Variants in PRELID2 observed in about 807,000 individuals in gnomAD.
PRELID2 encodes the protein PRELI domain-containing protein 2.
Under a neutral mutation model 28.4 loss-of-function variants are expected in PRELID2, and 25 were observed. The ratio of observed to expected loss-of-function variants is 0.88; its 90% confidence interval spans 0.64 to 1.23. The LOEUF (loss-of-function observed/expected upper bound fraction) is 1.23, where lower values mean the gene tolerates loss of function less well. PRELID2 is among the 50% of genes most tolerant of loss of function. The pLI is 0.00. For missense variants in PRELID2, 201 were observed against 214.4 expected (o/e 0.94, Z 0.39); for synonymous variants, 76 against 71.6 (o/e 1.06, Z -0.31).
chr5:145,821,268 T>C (rs1353108671), intron 2 of PRELID2, among the ~76,000 whole-genome samples: 3 of 150,008 alleles, frequency 2.0e-5, no homozygotes, highest in African/African-American at 7.4e-5. Flanking sequence ...TATGTGTGTG[T>C]AAGCCCTCTT....
intron 1 of PRELID2, among the ~76,000 whole-genome samples, chr5:145,744,166 C>T (rs550355150): frequency 3.3e-5 from 5 of 152,332 alleles, no homozygotes; most frequent in Middle Eastern, 3.4e-3. Flanking sequence ...AGGGACAGAA[C>T]CCAGATCTCC....
At chr5:145,414,402 C>A in the PRELID2 span, among the ~76,000 whole-genome samples, 1 of 152,342 alleles carries the variant, frequency 6.6e-6, no homozygotes, top group South Asian at 2.1e-4. Context: ...TGCTGAAAAT[C>A]TGTCCCATTG....
At chr5:145,327,565 TTCTG>T in the PRELID2 span, among the ~76,000 whole-genome samples, 1 of 152,084 alleles carries the variant, frequency 6.6e-6, no homozygotes, top group African/African-American at 2.4e-5. Context: ...TTTTAATTCA[TTCTG>T]TCTTTTGATT....
At chr5:145,445,238 C>A in the PRELID2 span, among the ~76,000 whole-genome samples, 10 of 152,034 alleles carry the variant, frequency 6.6e-5, no homozygotes, top group Non-Finnish European at 7.4e-5. Flanking sequence ...GTATCCACAG[C>A]CAACTGATTT....
chr5:145,356,873 T>G, the PRELID2 span, among the ~76,000 whole-genome samples: 9 of 152,362 alleles, frequency 5.9e-5, no homozygotes, highest in Admixed American at 5.9e-4. Context: ...TGGTGGCTGG[T>G]AATGGTCTTT....
the PRELID2 span, among the ~76,000 whole-genome samples, chr5:145,272,340 T>C: frequency 6.6e-6 from 1 of 152,036 alleles, no homozygotes; most frequent in Admixed American, 6.6e-5. Flanking sequence ...ACTCAGCAAA[T>C]ATAACCATAT....
intron 1 of PRELID2, among the ~76,000 whole-genome samples, chr5:145,527,119 TG>T (rs1268874311): frequency 1.3e-5 from 2 of 152,162 alleles, no homozygotes; most frequent in African/African-American, 4.8e-5. Flanking sequence ...TAGGTATTGG[TG>T]GGGGAAGGAA....
chr5:145,495,865 A>C (rs1752305764), intron 1 of PRELID2, among the ~76,000 whole-genome samples: 2 of 152,128 alleles, frequency 1.3e-5, no homozygotes, highest in Non-Finnish European at 2.9e-5. Context: ...GTTTTGCACC[A>C]GTTCTTTGCT....
chr5:145,830,962 G>A (rs1755543958), intron 1 of PRELID2, among the ~76,000 whole-genome samples: 4 of 152,164 alleles, frequency 2.6e-5, no homozygotes, highest in African/African-American at 7.2e-5. Flanking sequence ...CAGTGCTAAA[G>A]CAGCTTCAAA....
At chr5:145,412,076 CTAT>C in the PRELID2 span, among the ~76,000 whole-genome samples, 10 of 152,258 alleles carry the variant, frequency 6.6e-5, no homozygotes, top group Non-Finnish European at 1.3e-4. Context: ...GCTTCCAGGA[CTAT>C]GATGGGAGGG....
the PRELID2 span, among the ~76,000 whole-genome samples, chr5:145,330,398 G>C: frequency 1.3e-5 from 2 of 152,100 alleles, no homozygotes; most frequent in Admixed American, 6.5e-5. Flanking sequence ...GAATCTGTCT[G>C]GTCCTGAGCT....
At chr5:145,567,767 C>T (rs902954343) in intron 1 of PRELID2, among the ~76,000 whole-genome samples, 2 of 152,082 alleles carry the variant, frequency 1.3e-5, no homozygotes, top group Admixed American at 6.6e-5. Context: ...ACCCCTTTGC[C>T]TTCCACCATG....
Position 145,567,343 on chromosome 5 carries a change from A to ATGGTTTGGTTTGGTTTGGTTTGGTT in PRELID2, n.71-94053_71-94029dup, listed in dbSNP as rs70998025. ...TGACAGTGAGTTATCATGAGATCTG[A>ATGGTTTGGTTTGGTTTGGTTTGGTT]TGGTTTGGTTTGGTTTGGTTTGGTT... On this transcript the variant is annotated intron_variant and non_coding_transcript_variant, in intron 1 of 2. Transcript: ENST00000510259. 6.9e-4 allele frequency among the ~76,000 whole-genome samples: 101 copies of ATGGTTTGGTTTGGTTTGGTTTGGTT among 146,320 alleles called. 2 individuals carry two copies. The highest frequency in any genetic ancestry group is 2.3e-3 in the African/African-American group (90 of 39,272).
intron 1 of PRELID2, among the ~76,000 whole-genome samples, chr5:145,569,485 G>C (rs1046613736): frequency 6.6e-6 from 1 of 151,900 alleles, no homozygotes; most frequent in Admixed American, 6.6e-5. Flanking sequence ...CTTGGCTTTT[G>C]ACTTCCTAAA....
chr5:145,398,781 A>G, the PRELID2 span, among the ~76,000 whole-genome samples: 1 of 152,172 alleles, frequency 6.6e-6, no homozygotes, highest in African/African-American at 2.4e-5. Context: ...CCAAGAAGAA[A>G]ACAAAACATG....
At chr5:145,691,472 G>A (rs956792956) in intron 1 of PRELID2, among the ~76,000 whole-genome samples, 2 of 152,254 alleles carry the variant, frequency 1.3e-5, no homozygotes, top group African/African-American at 2.4e-5. Flanking sequence ...TTGGGAGGCC[G>A]AGGCAGGGGG....
the PRELID2 span, among the ~76,000 whole-genome samples, chr5:145,380,087 A>C: frequency 6.6e-6 from 1 of 152,172 alleles, no homozygotes; most frequent in African/African-American, 2.4e-5. Flanking sequence ...TGGGCTCTAC[A>C]TCAGCTGCCT....
chr5:145,370,434 G>A, the PRELID2 span, among the ~76,000 whole-genome samples: 490 of 152,036 alleles, frequency 3.2e-3, 4 homozygotes, highest in Middle Eastern at 0.027. Context: ...GATGGTTGTC[G>A]AGTGTGGTAA....
intron 1 of PRELID2, among the ~76,000 whole-genome samples, chr5:145,724,604 T>TAA (rs1561558950): frequency 3.3e-4 from 11 of 33,350 alleles, no homozygotes; most frequent in African/African-American, 2.8e-3. Flanking sequence ...TAAATAAATA[T>TAA]ATATATATAT....
Sources: allele counts gnomAD v4.1 joint callset (sites outside exome capture counted in the v4.1 genomes callset), GRCh38; gene constraint gnomAD v4.1.1; transcripts MANE v1.5; gene names NCBI Gene and HGNC (gene_info 2026-07-23, HGNC 2026-07-21).